The following OR6C2 variants were observed in gnomAD, a reference collection of about 807,000 sequenced individuals.
The protein encoded by OR6C2 is olfactory receptor 6C2.
For synonymous variants in OR6C2, 146 were observed against 134.2 expected (o/e 1.09, Z -0.61); for missense variants, 435 against 365.8 (o/e 1.19, Z -1.54).
At position 55,444,097 on chromosome 12, in the gene OR6C2, C is replaced by G. The variant is rs1307618463; in HGVS notation, c.-950C>G. The G allele has an allele frequency of 2.0e-5, 3 of 152,092 alleles. No homozygotes were observed. In the East Asian group the frequency reaches 5.8e-4, roughly 29 times the overall value. The allele number at this position is 152,092 out of a possible 1,614,324, so 9.4% of individuals were successfully genotyped here. A position where few individuals can be genotyped will look rare whatever the true frequency, so the allele number is the denominator to read the frequency against. On this transcript the variant is annotated 5_prime_UTR_variant, in exon 1 of 2. Transcript: ENST00000641202. ...ACAACTTCCTTAACACAACACAGTT[C>G]AACCCATTAGGGAGCTGCCACCTGA...
rs1320892389 is a variant in OR6C2 at position 55,451,989 on chromosome 12, T to C, written c.-225T>C. ...GATCAAAGAAAAAGTTGGATTGTTT[T>C]ACAAAACTTGATTTCTTAAGGAGAT... On this transcript the variant is annotated 5_prime_UTR_variant, in exon 2 of 2. Transcript: ENST00000641202. The C allele has an allele frequency of 2.5e-6, 1 of 399,712 alleles. No individual in the cohort carries two copies. Among genetic ancestry groups the C allele is most frequent in the Middle Eastern group, 6.4e-4 (1 of 1,558 alleles). The allele number at this position is 399,712 out of a possible 1,614,324, so 24.8% of individuals were successfully genotyped here.
rs1261561803 is a variant in OR6C2, at chr12:55,451,742, G to A, written c.-472G>A. On this transcript the variant is annotated 5_prime_UTR_variant, in exon 2 of 2. Coordinates refer to ENST00000641202, the MANE Select transcript of OR6C2 (RefSeq NM_054105.2). ...GTCATTGTTGTTTGTTTGTTTTTCAGGAAAAATGTAATTTAATCTTAATAC... is the reference window on the plus strand; with the variant it reads ...GTCATTGTTGTTTGTTTGTTTTTCAAGAAAAATGTAATTTAATCTTAATAC... The A allele has an allele frequency of 6.6e-6, 1 of 152,600 alleles. No individual in the cohort carries two copies. The highest frequency in any genetic ancestry group is 1.5e-5 in the Non-Finnish European group (1 of 68,470). 9.5% of individuals were successfully genotyped at this position (152,600 alleles called of 1,614,324 possible). A position where few individuals can be genotyped will look rare whatever the true frequency, so the allele number is the denominator to read the frequency against.
chr12:55,448,674 G>T (rs796303954), intron 1 of OR6C2, among the ~76,000 whole-genome samples: 12 of 74,964 alleles, frequency 1.6e-4, no homozygotes, highest in Non-Finnish European at 2.6e-4. Flanking sequence ...GAAAAGAAAA[G>T]AAAAAAGAAA....
At chr12:55,448,684 A>G (rs890273761) in intron 1 of OR6C2, among the ~76,000 whole-genome samples, 6 of 150,834 alleles carry the variant, frequency 4.0e-5, no homozygotes, top group African/African-American at 1.4e-4. Context: ...GAAAAAAGAA[A>G]TATACTGCTA....
Position 55,452,821 on chromosome 12 carries a change from T to C in OR6C2, c.608T>C (p.Phe203Ser). Residue 203 changes from phenylalanine (F) to serine (S), a missense_variant, in exon 2 of 2, where the codon TTT (phenylalanine) becomes TCT (serine). Physicochemically the swap from Phe to Ser is radical, Grantham distance 155. Coordinates refer to ENST00000641202, the MANE Select transcript of OR6C2 (RefSeq NM_054105.2). ...CAGATGGTTATACTTATGGCTGTATTTGCACTCATTATCACCCTAGTTTGT... is the reference window on the plus strand; with the variant it reads ...CAGATGGTTATACTTATGGCTGTATCTGCACTCATTATCACCCTAGTTTGT... ...IEQMVILMAV[F>S]ALIITLVCVI... 4 of 1,613,810 alleles carry C rather than the reference T, an allele frequency of 2.5e-6. No homozygotes were observed. Among genetic ancestry groups the C allele is most frequent in the Non-Finnish European group, 3.4e-6 (4 of 1,179,800 alleles).
intron 1 of OR6C2, among the ~76,000 whole-genome samples, chr12:55,449,575 A>G (rs1316830983): frequency 6.6e-6 from 1 of 151,904 alleles, no homozygotes; most frequent in African/African-American, 2.4e-5. Context: ...TGATTTTTCC[A>G]TAAGAGAATC....
At position 55,452,983 on chromosome 12, in the gene OR6C2, A is replaced by C. The variant is rs767481227; in HGVS notation, c.770A>C (p.Tyr257Ser). ...GCCTATGGAAGCTGCATCTTCATCT[A>C]TATCAAGCCCTCTGCAAAAGATGAG... is the stretch of plus-strand genomic sequence containing the variant. Reference protein sequence around the residue: ...SIAYGSCIFIYIKPSAKDEVA... With the variant: ...SIAYGSCIFISIKPSAKDEVA... The change falls in exon 2 of 2, where the codon TAT (tyrosine) becomes TCT (serine). Residue 257 changes from tyrosine to serine, a missense_variant. Coordinates refer to ENST00000641202, the MANE Select transcript of OR6C2 (RefSeq NM_054105.2). 4.3e-6 allele frequency: 7 copies of C among 1,613,704 alleles called. No homozygotes were observed. Among genetic ancestry groups the C allele is most frequent in the Non-Finnish European group, 5.9e-6 (7 of 1,179,732 alleles).
In OR6C2 at chr12:55,452,823, G is replaced by T. The variant is rs1288556500; in HGVS notation, c.610G>T (p.Ala204Ser). The T allele has an allele frequency of 7.4e-6, 12 of 1,613,730 alleles. No individual in the cohort carries two copies. The highest frequency in any genetic ancestry group is 9.3e-6 in the Non-Finnish European group (11 of 1,179,774). ...EQMVILMAVF[A>S]LIITLVCVIL... ...GATGGTTATACTTATGGCTGTATTT[G>T]CACTCATTATCACCCTAGTTTGTGT... The change falls in exon 2 of 2, where the codon GCA becomes TCA. Residue 204 changes from alanine to serine, a missense_variant. Ala to Ser is a moderately conservative substitution (Grantham distance 99). Transcript: ENST00000641202.
intron 1 of OR6C2, among the ~76,000 whole-genome samples, chr12:55,451,008 C>T (rs537100915): frequency 3.3e-5 from 5 of 151,668 alleles, no homozygotes; most frequent in Middle Eastern, 3.4e-3. Flanking sequence ...GATGAGGAGA[C>T]GTTAATGTCT....
chr12:55,448,865 A>T (rs1367050230), intron 1 of OR6C2, among the ~76,000 whole-genome samples: 1 of 151,802 alleles, frequency 6.6e-6, no homozygotes, highest in Admixed American at 6.6e-5. Flanking sequence ...GGCTATGGAA[A>T]TGTAATGACA....
chr12:55,450,494 C>T (rs1281867948), intron 1 of OR6C2, among the ~76,000 whole-genome samples: 2 of 152,058 alleles, frequency 1.3e-5, no homozygotes, highest in East Asian at 3.9e-4. Context: ...TAACCTGTAA[C>T]AAGCAATAGG....
In OR6C2 at chr12:55,452,356, T is replaced by A; in HGVS notation, c.143T>A (p.Leu48Ter). ...AACCTGACTATTATCACCCTCACATTGGTGGACCACCACCTTAAAACTCCT... is the reference window on the plus strand; with the variant it reads ...AACCTGACTATTATCACCCTCACATAGGTGGACCACCACCTTAAAACTCCT... ...TGNLTIITLTLVDHHLKTPMY... is the reference protein window; with the variant it reads ...TGNLTIITLT Residue 48 changes from leucine (L) to a stop codon, truncating the protein, a stop_gained, in exon 2 of 2, where the codon TTG becomes TAG. Transcript: ENST00000641202. LOFTEE classifies it low-confidence loss of function (END_TRUNC). The A allele has an allele frequency of 1.2e-6, 2 of 1,613,776 alleles. No homozygotes were observed. The highest frequency in any genetic ancestry group is 1.7e-6 in the Non-Finnish European group (2 of 1,179,808).
Position 55,453,163 on chromosome 12 carries a change from G to T in OR6C2, c.*11G>T. ...CTCTCAAAGAAGTAGAAGCTGTGATGAATTGGCATAAAGTGAATGAAGAAG... is the reference window on the plus strand; with the variant it reads ...CTCTCAAAGAAGTAGAAGCTGTGATTAATTGGCATAAAGTGAATGAAGAAG... On this transcript the variant is annotated 3_prime_UTR_variant, in exon 2 of 2. Transcript: ENST00000641202. 6.3e-7 allele frequency: 1 copy of T among 1,594,118 alleles called. No homozygotes were observed. Among genetic ancestry groups the T allele is most frequent in the Non-Finnish European group, 8.6e-7 (1 of 1,164,876 alleles).
chr12:55,450,998 G>A (rs952987417), intron 1 of OR6C2, among the ~76,000 whole-genome samples: 7 of 151,964 alleles, frequency 4.6e-5, no homozygotes, highest in Admixed American at 2.6e-4. Context: ...GTAGGGGTGA[G>A]ATGAGGAGAC....
chr12:55,445,484 T>C (rs768980659), intron 1 of OR6C2, among the ~76,000 whole-genome samples: 11 of 152,176 alleles, frequency 7.2e-5, no homozygotes, highest in East Asian at 3.8e-4. Context: ...TACAATTTCA[T>C]TGAGTGATGG....
rs751274080 is a variant in OR6C2 at position 55,453,056 on chromosome 12, C to T, written c.843C>T (p.Pro281=). 2.2e-5 allele frequency: 36 copies of T among 1,613,322 alleles called. No homozygotes were observed. The highest frequency in any genetic ancestry group is 3.1e-5 in the Non-Finnish European group (36 of 1,179,644). Residue 281 remains proline (P), a synonymous_variant, in exon 2 of 2, where the codon CCC becomes CCT. Transcript: ENST00000641202. ...CAGTTCTTACTACTTCTGTCGCACCCTTGTTGAACCCCTTCATTTACACCT... is the reference window on the plus strand; with the variant it reads ...CAGTTCTTACTACTTCTGTCGCACCTTTGTTGAACCCCTTCATTTACACCT... ...GVSVLTTSVA[P]LLNPFIYTLR...
intron 1 of OR6C2, among the ~76,000 whole-genome samples, chr12:55,446,312 G>A (rs1395861886): frequency 1.3e-5 from 2 of 152,064 alleles, no homozygotes; most frequent in Non-Finnish European, 2.9e-5. Context: ...ACCACACCCG[G>A]CTAATTTTGT....
chr12:55,453,089 C>G lies in OR6C2; in HGVS notation c.876C>G (p.Asn292Lys), dbSNP rs752445997. The G allele has an allele frequency of 1.2e-6, 2 of 1,613,320 alleles. No homozygotes were observed. Among genetic ancestry groups the G allele is most frequent in the Non-Finnish European group, 1.7e-6 (2 of 1,179,558 alleles). Reference sequence around the variant, plus strand: ...ACCCCTTCATTTACACCTTGAGGAACAAGCAAGTGAAACAAGCTTTCAGTG... The same window carrying G: ...ACCCCTTCATTTACACCTTGAGGAAGAAGCAAGTGAAACAAGCTTTCAGTG... ...LLNPFIYTLR[N>K]KQVKQAFSDS... is the part of the protein sequence containing the mutation. The change falls in exon 2 of 2, where the codon AAC becomes AAG. Residue 292 changes from asparagine to lysine, a missense_variant. Asn to Lys is a moderately conservative substitution (Grantham distance 94). Transcript: ENST00000641202.
chr12:55,448,793 G>T (rs1024919508), intron 1 of OR6C2, among the ~76,000 whole-genome samples: 10 of 151,608 alleles, frequency 6.6e-5, no homozygotes, highest in Non-Finnish European at 1.0e-4. Flanking sequence ...AAAGAGGGAG[G>T]GGTTCTGACC....
Sources: allele counts gnomAD v4.1 joint callset (sites outside exome capture counted in the v4.1 genomes callset), GRCh38; gene constraint gnomAD v4.1.1; transcripts MANE v1.5; gene names NCBI Gene and HGNC (gene_info 2026-07-23, HGNC 2026-07-21).